Variants in BRD10 observed in about 807,000 individuals in gnomAD.
BRD10 encodes the protein uncharacterized bromodomain-containing protein 10.
At chr9:5,899,219 C>T in the BRD10 span, 5 of 152,160 alleles carry the variant, frequency 3.3e-5, no homozygotes, top group Admixed American at 3.3e-4. Flanking sequence ...AAGTCCCATT[C>T]CTCATTCAGC....
the BRD10 span, among the ~76,000 whole-genome samples, chr9:5,935,580 C>T: frequency 6.6e-6 from 1 of 152,112 alleles, no homozygotes; most frequent in Non-Finnish European, 1.5e-5. Flanking sequence ...TGATATTAAG[C>T]CAACAAACTG....
At chr9:5,945,867 GAA>G in the BRD10 span, among the ~76,000 whole-genome samples, 11 of 151,960 alleles carry the variant, frequency 7.2e-5, no homozygotes, top group African/African-American at 2.6e-4. Context: ...TCAGATTAAT[GAA>G]AAGTCTTATT....
At chr9:5,925,013 T>C in the BRD10 span, among the ~76,000 whole-genome samples, 1 of 152,198 alleles carries the variant, frequency 6.6e-6, no homozygotes, top group African/African-American at 2.4e-5. Flanking sequence ...TTGCCAATGC[T>C]CAGGAAGACA....
chr9:5,998,811 G>C, the BRD10 span, among the ~76,000 whole-genome samples: 6 of 151,946 alleles, frequency 3.9e-5, no homozygotes, highest in Non-Finnish European at 8.8e-5. Flanking sequence ...TCCTAGCCTG[G>C]AATTAATAAG....
chr9:5,974,887 C>T, the BRD10 span, among the ~76,000 whole-genome samples: 4 of 152,234 alleles, frequency 2.6e-5, no homozygotes, highest in African/African-American at 9.6e-5. Flanking sequence ...ATAATTAGAC[C>T]TGGACTAGCG....
At chr9:5,896,431 C>T in the BRD10 span, among the ~76,000 whole-genome samples, 2 of 152,174 alleles carry the variant, frequency 1.3e-5, no homozygotes, top group South Asian at 2.1e-4. Flanking sequence ...TCCCATGGTT[C>T]GCTCTATCCT....
chr9:5,893,608 G>T, the BRD10 span, among the ~76,000 whole-genome samples: 1 of 152,160 alleles, frequency 6.6e-6, no homozygotes, highest in Non-Finnish European at 1.5e-5. Context: ...ACTCTTTGAG[G>T]GAGGGGAGCC....
At chr9:5,905,515 T>A in the BRD10 span, among the ~76,000 whole-genome samples, 1 of 152,228 alleles carries the variant, frequency 6.6e-6, no homozygotes, top group African/African-American at 2.4e-5. Flanking sequence ...AATTTTTTTT[T>A]AATTAACCCC....
the BRD10 span, among the ~76,000 whole-genome samples, chr9:5,886,604 G>A: frequency 2.6e-5 from 4 of 152,214 alleles, no homozygotes; most frequent in Non-Finnish European, 5.9e-5. Flanking sequence ...TAGAGCTCCT[G>A]CTGTTAGTTT....
At chr9:5,972,997 C>G in the BRD10 span, among the ~76,000 whole-genome samples, 1 of 152,034 alleles carries the variant, frequency 6.6e-6, no homozygotes, top group Non-Finnish European at 1.5e-5. Flanking sequence ...AAAACACAAT[C>G]TAAAGGAAAA....
At chr9:5,966,455 CTTT>C in the BRD10 span, among the ~76,000 whole-genome samples, 7 of 83,750 alleles carry the variant, frequency 8.4e-5, no homozygotes, top group Admixed American at 1.8e-4. Flanking sequence ...CTAACATTTC[CTTT>C]TTTTTTTTTT....
the BRD10 span, among the ~76,000 whole-genome samples, chr9:5,993,530 G>C: frequency 6.6e-6 from 1 of 152,148 alleles, no homozygotes; most frequent in Admixed American, 6.5e-5. Context: ...AAGCACTCCA[G>C]TGCTAGCCAC....
chr9:5,918,715 CT>C, the BRD10 span, among the ~76,000 whole-genome samples: 1 of 139,386 alleles, frequency 7.2e-6, no homozygotes, highest in Admixed American at 7.6e-5. Flanking sequence ...CAACCTAATA[CT>C]TGGGGGGCTG....
chr9:5,998,142 T>TA, the BRD10 span, among the ~76,000 whole-genome samples: 2 of 152,120 alleles, frequency 1.3e-5, no homozygotes, highest in Non-Finnish European at 2.9e-5. Context: ...TTGAACATGT[T>TA]AAAGTTTGAG....
At chr9:5,936,243 C>A in the BRD10 span, among the ~76,000 whole-genome samples, 1 of 152,124 alleles carries the variant, frequency 6.6e-6, no homozygotes, top group Admixed American at 6.5e-5. Flanking sequence ...GTAGTCCCAG[C>A]TACTGGGGAG....
chr9:5,937,829 G>A, the BRD10 span, among the ~76,000 whole-genome samples: 3 of 152,196 alleles, frequency 2.0e-5, no homozygotes, highest in Admixed American at 2.0e-4. Flanking sequence ...TCTTAGTTGT[G>A]CAGAGTAGAA....
the BRD10 span, among the ~76,000 whole-genome samples, chr9:5,937,026 T>TC: frequency 3.3e-5 from 5 of 150,954 alleles, no homozygotes; most frequent in African/African-American, 1.2e-4. Context: ...GGTCAGGAGT[T>TC]CGACACCAGC....
At chr9:5,958,260 T>C in the BRD10 span, among the ~76,000 whole-genome samples, 4 of 152,168 alleles carry the variant, frequency 2.6e-5, no homozygotes, top group African/African-American at 7.2e-5. Flanking sequence ...ACTAAAGATA[T>C]ATTTTATACT....
the BRD10 span, chr9:5,919,445 C>A: frequency 4.9e-6 from 2 of 407,246 alleles, no homozygotes; most frequent in Non-Finnish European, 8.7e-6. Context: ...AAACACAGAA[C>A]CTTGAAACCC....
Sources: allele counts gnomAD v4.1 joint callset (sites outside exome capture counted in the v4.1 genomes callset), GRCh38; gene constraint gnomAD v4.1.1; transcripts MANE v1.5; gene names NCBI Gene and HGNC (gene_info 2026-07-23, HGNC 2026-07-21).